Variants in NPLOC4 observed in about 807,000 individuals in gnomAD.
The protein encoded by NPLOC4 is NPL4 homolog, ubiquitin recognition factor, also known as nuclear protein localization protein 4 homolog.
NPLOC4 carries 18 observed loss-of-function variants against 80.6 expected under a neutral mutation model. That is an observed-to-expected ratio of 0.22 (90% CI 0.15 to 0.33). The LOEUF (loss-of-function observed/expected upper bound fraction) is 0.33. Among genes scored for constraint, NPLOC4 ranks in the 10% least tolerant of loss-of-function variants. NPLOC4 has a pLI of 1.00. For synonymous variants in NPLOC4, 313 were observed against 301.5 expected, an observed-to-expected ratio of 1.04 and a Z score of -0.39; for missense variants, 540 against 786.1, an observed-to-expected ratio of 0.69 and a Z score of 3.74.
chr17:81,619,958 C>A (rs1870170679), intron 3 of NPLOC4, among the ~76,000 whole-genome samples: 1 of 152,024 alleles, frequency 6.6e-6, no homozygotes, highest in African/African-American at 2.4e-5. Context: ...CCTCTGTTTA[C>A]CGCTTTGCAT....
intron 12 of NPLOC4, among the ~76,000 whole-genome samples, chr17:81,576,261 G>A (rs1338125358): frequency 6.6e-6 from 1 of 152,160 alleles, no homozygotes; most frequent in Non-Finnish European, 1.5e-5. Context: ...CACGGAAAGA[G>A]TATGTAGGTA....
In NPLOC4 at chr17:81,559,362, G is replaced by A. The variant is rs1205195002; in HGVS notation, c.1724C>T (p.Ser575Phe). The change falls in exon 17 of 17, where the codon TCC becomes TTC. Residue 575 changes from serine to phenylalanine, a missense_variant. This residue lies in a region of NPLOC4 where 87 missense variants were observed against 70.3 expected (regional missense o/e 1.24). Coordinates refer to ENST00000331134, the MANE Select transcript of NPLOC4 (RefSeq NM_017921.4). The part of the protein sequence containing the change: ...GLHEYGAVGG[S>F]THTATAAMWA... The stretch of plus-strand genomic sequence containing the variant: ...CATGGCTGCAGTGGCCGTGTGTGTG[G>A]AGCCCCCGACGGCGCCGTACTCATG... 5 of 1,608,692 alleles carry A rather than the reference G, an allele frequency of 3.1e-6. No individual in the cohort carries two copies. The highest frequency in any genetic ancestry group is 4.2e-6 in the Non-Finnish European group (5 of 1,178,012).
chr17:81,618,003 G>C (rs1318094491), intron 3 of NPLOC4, among the ~76,000 whole-genome samples: 1 of 152,150 alleles, frequency 6.6e-6, no homozygotes, highest in Non-Finnish European at 1.5e-5. Flanking sequence ...ATCTCGGCTC[G>C]CTACAACCTC....
intron 3 of NPLOC4, 150 bp from the exon 4 acceptor site, chr17:81,613,644 T>TTAA: frequency 1.5e-6 from 1 of 666,586 alleles, no homozygotes; most frequent in Non-Finnish European, 2.5e-6. Flanking sequence ...AATTCTCTTC[T>TTAA]AACATCTCCC....
intron 12 of NPLOC4, among the ~76,000 whole-genome samples, chr17:81,582,297 CAGG>C (rs1205663170): frequency 6.6e-6 from 1 of 152,214 alleles, no homozygotes; most frequent in Non-Finnish European, 1.5e-5. Flanking sequence ...ACATCCGTAC[CAGG>C]AGGTTTTCAG....
intron 12 of NPLOC4, among the ~76,000 whole-genome samples, chr17:81,582,969 C>A: frequency 6.6e-6 from 1 of 152,286 alleles, no homozygotes; most frequent in East Asian, 1.9e-4. Flanking sequence ...AGGGCCAGGC[C>A]TCCTCCCTGC....
At position 81,589,047 on chromosome 17, in the gene NPLOC4, G is replaced by C; in HGVS notation, c.1178C>G (p.Ala393Gly). 6.2e-7 allele frequency: 1 copy of C among 1,613,934 alleles called. No homozygotes were observed. Among genetic ancestry groups the C allele is most frequent in the Non-Finnish European group, 8.5e-7 (1 of 1,179,798 alleles). Residue 393 changes from alanine (A) to glycine (G), a missense_variant, in exon 12 of 17, where the codon GCA (alanine) becomes GGA (glycine). Ala to Gly is a moderately conservative substitution (Grantham distance 60). Around this residue, in one of 6 missense-constraint regions of NPLOC4, gnomAD observed 251 missense variants for 377.5 expected, o/e 0.66. Coordinates refer to ENST00000331134, the MANE Select transcript of NPLOC4 (RefSeq NM_017921.4). ...CAGCAAACACTCATCACGGACCAGT[G>C]CCATACACTGATTGGACACCTGGTA... The part of the protein sequence containing the change: ...EGYQVSNQCM[A>G]LVRDECLLPC...
In NPLOC4 at chr17:81,580,109, C is replaced by T. The variant is rs560081025; in HGVS notation, c.1282-8021G>A. Among the ~76,000 whole-genome samples the T allele has an allele frequency of 6.6e-6, 1 of 152,304 alleles. No homozygotes were observed. The highest frequency in any genetic ancestry group is 2.4e-5 in the African/African-American group (1 of 41,568). On this transcript the variant is annotated intron_variant, in intron 12 of 16. Transcript: ENST00000331134. The surrounding 1 kb of genome is among the most constrained non-coding windows in gnomAD (Gnocchi z 4.4). ...TCCCAGTGCTCTCCACCTCATTCCC[C>T]CAAGGTGGGGTTCTCCTCAGCCATC...
At chr17:81,606,574 A>C in intron 7 of NPLOC4, 117 bp downstream of exon 7, 1 of 1,068,936 alleles carries the variant, frequency 9.4e-7, no homozygotes, top group South Asian at 1.7e-5. Flanking sequence ...AGTCCATCAA[A>C]AAGTACTGAA....
intron 3 of NPLOC4, among the ~76,000 whole-genome samples, chr17:81,617,265 A>G (rs1386574973): frequency 6.6e-6 from 1 of 152,198 alleles, no homozygotes; most frequent in African/African-American, 2.4e-5. Context: ...AAAAAAAATC[A>G]GATTACGTAT....
intron 11 of NPLOC4, among the ~76,000 whole-genome samples, chr17:81,593,352 GC>G (rs1296768948): frequency 6.6e-6 from 1 of 152,020 alleles, no homozygotes; most frequent in Non-Finnish European, 1.5e-5. Context: ...CCTGTGCTCA[GC>G]CCTTGCCCAC....
intron 12 of NPLOC4, chr17:81,588,300 G>T (rs1003616153): frequency 6.6e-6 from 1 of 152,238 alleles, no homozygotes; most frequent in Non-Finnish European, 1.5e-5. Flanking sequence ...AGAAAACATT[G>T]AGTAGCTGCA....
chr17:81,590,040 GAGAAGAGCA>G (rs1179283583), intron 11 of NPLOC4, among the ~76,000 whole-genome samples: 3 of 152,150 alleles, frequency 2.0e-5, no homozygotes, highest in Non-Finnish European at 4.4e-5. Context: ...AAGCGGGTGG[GAGAAGAGCA>G]AGACGGAAAC....
chr17:81,622,387 C>A, intron 2 of NPLOC4, 109 bp from the exon 3 acceptor site: 1 of 808,810 alleles, frequency 1.2e-6, no homozygotes, highest in South Asian at 1.5e-5. Flanking sequence ...TTGGAAAGTG[C>A]CCATCATTTA....
intron 3 of NPLOC4, among the ~76,000 whole-genome samples, chr17:81,619,684 G>C (rs533506537): frequency 1.8e-4 from 28 of 152,098 alleles, no homozygotes; most frequent in African/African-American, 6.0e-4. Context: ...ATTGAGATCA[G>C]CCTGGCCAAC....
At chr17:81,617,194 G>A (rs1244557835) in intron 3 of NPLOC4, among the ~76,000 whole-genome samples, 1 of 152,192 alleles carries the variant, frequency 6.6e-6, no homozygotes, top group Non-Finnish European at 1.5e-5. Context: ...CAGAAACTAG[G>A]AGAAACCAGG....
Position 81,559,191 on chromosome 17 carries a change from T to A in NPLOC4, c.*68A>T. The A allele has an allele frequency of 6.7e-7, 1 of 1,493,338 alleles. No homozygotes were observed. The highest frequency in any genetic ancestry group is 9.0e-7 in the Non-Finnish European group (1 of 1,114,834). The allele number at this position is 1,493,338 out of a possible 1,614,324, so 92.5% of individuals were successfully genotyped here. On this transcript the variant is annotated 3_prime_UTR_variant, in exon 17 of 17. Coordinates refer to ENST00000331134, the MANE Select transcript of NPLOC4 (RefSeq NM_017921.4). Reference sequence around the variant, plus strand: ...TATGGGGCAGTTACAGGGAACACACTCAGCAACGCTTCTGGCTTCAGGAAG... The same window carrying A: ...TATGGGGCAGTTACAGGGAACACACACAGCAACGCTTCTGGCTTCAGGAAG...
intron 1 of NPLOC4, among the ~76,000 whole-genome samples, chr17:81,630,876 C>CA (rs1373767124): frequency 6.7e-6 from 1 of 149,846 alleles, no homozygotes; most frequent in Non-Finnish European, 1.5e-5. Flanking sequence ...GACCCTGTCT[C>CA]AAAAAAAGAG....
chr17:81,604,845 T>C (rs377761235), intron 7 of NPLOC4, 118 bp from the exon 8 acceptor site: 120 of 898,370 alleles, frequency 1.3e-4, no homozygotes, highest in East Asian at 1.0e-3. Flanking sequence ...AACAAACCAA[T>C]AGGGTGTGAT....
Sources: allele counts gnomAD v4.1 joint callset (sites outside exome capture counted in the v4.1 genomes callset), GRCh38; gene constraint gnomAD v4.1.1; regional missense constraint gnomAD v4.1.1; non-coding constraint Gnocchi (gnomAD v3.1); transcripts MANE v1.5; gene names NCBI Gene and HGNC (gene_info 2026-07-23, HGNC 2026-07-21).